Variants in NLGN1 observed in about 807,000 individuals in gnomAD.
NLGN1 encodes neuroligin 1, also known as neuroligin-1.
In NLGN1, 12 loss-of-function variants were observed where a neutral mutation model predicts 65.5. The ratio of observed to expected loss-of-function variants is 0.18; its 90% CI spans 0.12 to 0.30. The LOEUF (loss-of-function observed/expected upper bound fraction) is 0.30. NLGN1 is among the 10% of genes least tolerant of loss of function. The pLI is 1.00. For missense variants in NLGN1, 750 were observed against 1,007.1 expected (o/e 0.74, Z 3.46); for synonymous variants, 350 against 359.5 (o/e 0.97, Z 0.30).
At chr3:174,289,504 A>G (rs568851299), downstream of NLGN1, among the ~76,000 whole-genome samples, 14 of 151,378 alleles carry the variant, frequency 9.2e-5, no homozygotes, top group South Asian at 2.9e-3. Flanking sequence ...CATTTGCCTG[A>G]CATCATAGTC....
chr3:173,593,507 A>C (rs956828733), intron 2 of NLGN1, among the ~76,000 whole-genome samples: 1 of 152,216 alleles, frequency 6.6e-6, no homozygotes, highest in African/African-American at 2.4e-5. Flanking sequence ...AAAAAATGTA[A>C]TAAGTGTTTT....
chr3:173,463,055 C>G (rs1723673026), intron 2 of NLGN1, among the ~76,000 whole-genome samples: 1 of 152,092 alleles, frequency 6.6e-6, no homozygotes, highest in Non-Finnish European at 1.5e-5. Flanking sequence ...CCACCTTGTC[C>G]TAATCCCTCT....
chr3:173,626,972 C>T (rs895519701), intron 3 of NLGN1, among the ~76,000 whole-genome samples: 2 of 152,058 alleles, frequency 1.3e-5, no homozygotes, highest in Non-Finnish European at 2.9e-5. Flanking sequence ...AAGTGACTTT[C>T]AAGTCACTCC....
At chr3:173,508,234 A>G (rs1009090644) in intron 2 of NLGN1, among the ~76,000 whole-genome samples, 5 of 152,162 alleles carry the variant, frequency 3.3e-5, no homozygotes, top group African/African-American at 1.2e-4. Context: ...TGTTATGATT[A>G]GCAATTCTTT....
chr3:173,918,496 G>A (rs1014457350), intron 4 of NLGN1, among the ~76,000 whole-genome samples: 6 of 151,844 alleles, frequency 4.0e-5, no homozygotes, highest in Admixed American at 1.3e-4. Context: ...AGCGCCATGC[G>A]GCAGCGTGTG....
chr3:173,545,210 G>T (rs1739586375), intron 2 of NLGN1, among the ~76,000 whole-genome samples: 1 of 152,118 alleles, frequency 6.6e-6, no homozygotes, highest in Non-Finnish European at 1.5e-5. Flanking sequence ...AAGTAGCTGG[G>T]ATTACAGGCA....
At chr3:173,564,470 A>G (rs1407861880) in intron 2 of NLGN1, among the ~76,000 whole-genome samples, 1 of 152,258 alleles carries the variant, frequency 6.6e-6, no homozygotes, top group Non-Finnish European at 1.5e-5. Flanking sequence ...CATGGATTAC[A>G]CTGCCATGTG....
At chr3:174,059,820 C>A (rs576422081) in intron 4 of NLGN1, among the ~76,000 whole-genome samples, 1 of 152,092 alleles carries the variant, frequency 6.6e-6, no homozygotes, top group Non-Finnish European at 1.5e-5. Context: ...TGAATTTATA[C>A]GGCTAGCAAG....
At chr3:174,007,148 G>T (rs536092923) in intron 4 of NLGN1, among the ~76,000 whole-genome samples, 1 of 152,060 alleles carries the variant, frequency 6.6e-6, no homozygotes, top group Non-Finnish European at 1.5e-5. Context: ...AAGACCATGC[G>T]GAGCACAGTA....
intron 4 of NLGN1, among the ~76,000 whole-genome samples, chr3:174,047,160 A>G (rs1448073361): frequency 6.6e-6 from 1 of 152,040 alleles, no homozygotes; most frequent in Non-Finnish European, 1.5e-5. Context: ...TTTGAAGGTT[A>G]TAATTTTACC....
At chr3:173,766,214 G>A (rs1469589128) in intron 3 of NLGN1, among the ~76,000 whole-genome samples, 1 of 150,710 alleles carries the variant, frequency 6.6e-6, no homozygotes, top group African/African-American at 2.4e-5. Flanking sequence ...TCAGCCTCCC[G>A]AGTAGGTGGG....
At chr3:173,813,491 G>A (rs533012421) in intron 4 of NLGN1, among the ~76,000 whole-genome samples, 9 of 152,274 alleles carry the variant, frequency 5.9e-5, no homozygotes, top group East Asian at 5.8e-4. Context: ...TGGTGGTACC[G>A]GAGGAAGGCC....
At chr3:174,020,324 A>G (rs2152456974) in intron 4 of NLGN1, among the ~76,000 whole-genome samples, 1 of 152,260 alleles carries the variant, frequency 6.6e-6, no homozygotes, top group South Asian at 2.1e-4. Flanking sequence ...TTGAGCAATA[A>G]CTGCACTGCC....
chr3:174,158,542 C>T (rs555399849), intron 4 of NLGN1, among the ~76,000 whole-genome samples: 2 of 151,748 alleles, frequency 1.3e-5, no homozygotes, highest in African/African-American at 2.4e-5. Context: ...TCAGAAGCCC[C>T]GGGCATACCT....
At chr3:173,545,275 T>C (rs1739598079) in intron 2 of NLGN1, among the ~76,000 whole-genome samples, 1 of 152,162 alleles carries the variant, frequency 6.6e-6, no homozygotes, top group African/African-American at 2.4e-5. Context: ...GGTTTCACCG[T>C]GTTGGTCAGG....
chr3:173,938,269 G>A (rs13064797), intron 4 of NLGN1, among the ~76,000 whole-genome samples: 36,383 of 151,912 alleles, frequency 0.24, 4,793 homozygotes, highest in East Asian at 0.34. Flanking sequence ...ATGGCCATTC[G>A]AATTGTTTTA....
intron 2 of NLGN1, among the ~76,000 whole-genome samples, chr3:173,475,303 A>G (rs1282432921): frequency 7.8e-6 from 1 of 127,454 alleles, no homozygotes; most frequent in Non-Finnish European, 1.8e-5. Flanking sequence ...TTCTAAATGA[A>G]TCATTCTTTT....
At chr3:173,805,316 G>A (rs549903457) in intron 3 of NLGN1, among the ~76,000 whole-genome samples, 3 of 152,116 alleles carry the variant, frequency 2.0e-5, no homozygotes, top group South Asian at 4.2e-4. Flanking sequence ...AGAACTTTAT[G>A]GAAAAGAACT....
intron 3 of NLGN1, 122 bp from the exon 3 acceptor site, chr3:173,605,411 GA>G: frequency 2.2e-6 from 1 of 454,514 alleles, no homozygotes; most frequent in South Asian, 2.1e-5. Flanking sequence ...CAGGCTCAAC[GA>G]ATTGGGGATC....
Sources: allele counts gnomAD v4.1 joint callset (sites outside exome capture counted in the v4.1 genomes callset), GRCh38; gene constraint gnomAD v4.1.1; transcripts MANE v1.5; gene names NCBI Gene and HGNC (gene_info 2026-07-23, HGNC 2026-07-21).